The following CNTNAP2 variants were observed in gnomAD, a reference collection of about 807,000 sequenced individuals.
CNTNAP2 encodes the protein contactin associated protein 2, also known as contactin-associated protein-like 2.
In CNTNAP2, 98 loss-of-function variants were observed where a neutral mutation model predicts 155.2. The ratio of observed to expected loss-of-function variants is 0.63; its 90% CI spans 0.54 to 0.75. The LOEUF (loss-of-function observed/expected upper bound fraction) is 0.75. Ranked by LOEUF, CNTNAP2 falls within the 30% of genes least tolerant of loss-of-function variation. The pLI, the probability that CNTNAP2 is intolerant of heterozygous loss-of-function variation, is 0.00. For missense variants in CNTNAP2, 1,727 were observed against 1,688.1 expected (o/e 1.02, Z -0.40); for synonymous variants, 651 against 631.2 (o/e 1.03, Z -0.47).
chr7:146,254,076 C>T (rs1015689350), intron 1 of CNTNAP2, among the ~76,000 whole-genome samples: 7 of 150,014 alleles, frequency 4.7e-5, no homozygotes, highest in Non-Finnish European at 8.9e-5. Context: ...CAAAACAGAA[C>T]AAAACAAAAA....
rs187291387 is a variant in CNTNAP2, at chr7:146,711,476, T to G, written c.98-62795T>G. Among the ~76,000 whole-genome samples, 651 of 148,474 alleles carry G rather than the reference T, an allele frequency of 4.4e-3. 25 individuals carry two copies. Among genetic ancestry groups the G allele is most frequent in the Non-Finnish European group, 9.6e-4 (65 of 67,364 alleles). Reference sequence around the variant, plus strand: ...TATTTATAATATATATGAACATATTTATTCACTGCTTAAATTTCCACTGTT... The same window carrying G: ...TATTTATAATATATATGAACATATTGATTCACTGCTTAAATTTCCACTGTT... On this transcript the variant is annotated intron_variant, in intron 1 of 23. Transcript: ENST00000361727.
intron 23 of CNTNAP2, among the ~76,000 whole-genome samples, chr7:148,409,779 C>T (rs9648854): frequency 0.32 from 21,391 of 66,962 alleles, 4,710 homozygotes; most frequent in African/African-American, 0.39. Flanking sequence ...TAGCTGGGCG[C>T]GGTGGCTCAC....
At chr7:147,320,995 T>C (rs1234635628) in intron 9 of CNTNAP2, among the ~76,000 whole-genome samples, 2 of 152,244 alleles carry the variant, frequency 1.3e-5, no homozygotes, top group African/African-American at 2.4e-5. Flanking sequence ...AAAAATGTTA[T>C]AGTCTTCTAA....
chr7:146,868,033 C>G (rs1795238874), intron 3 of CNTNAP2, among the ~76,000 whole-genome samples: 1 of 152,080 alleles, frequency 6.6e-6, no homozygotes, highest in Admixed American at 6.6e-5. Context: ...AATTAGATCC[C>G]ACTTGTCAAT....
chr7:147,247,159 T>A (rs1396234073), intron 8 of CNTNAP2, among the ~76,000 whole-genome samples: 2 of 152,242 alleles, frequency 1.3e-5, no homozygotes, highest in East Asian at 1.9e-4. Flanking sequence ...GATATTATTA[T>A]AACATTTTTA....
intron 10 of CNTNAP2, among the ~76,000 whole-genome samples, chr7:147,419,555 T>C (rs1871492): frequency 0.19 from 28,188 of 152,190 alleles, 3,149 homozygotes; most frequent in Non-Finnish European, 0.25. Context: ...TTTACAATTA[T>C]GATTGAAGAC....
chr7:147,914,276 C>T (rs1800120159), intron 14 of CNTNAP2, among the ~76,000 whole-genome samples: 1 of 151,982 alleles, frequency 6.6e-6, no homozygotes, highest in African/African-American at 2.4e-5. Context: ...CGTGGTGGCT[C>T]ACGCCTGTGA....
chr7:146,958,977 G>A (rs1797497879), intron 3 of CNTNAP2, among the ~76,000 whole-genome samples: 2 of 151,790 alleles, frequency 1.3e-5, no homozygotes, highest in Admixed American at 6.6e-5. Context: ...GATTTCCATA[G>A]CTCTTTGAAT....
At chr7:146,922,356 T>G (rs966938412) in intron 3 of CNTNAP2, among the ~76,000 whole-genome samples, 2 of 152,106 alleles carry the variant, frequency 1.3e-5, no homozygotes, top group Non-Finnish European at 2.9e-5. Context: ...GTGTCAAATT[T>G]GCATAGTAAT....
intron 20 of CNTNAP2, among the ~76,000 whole-genome samples, chr7:148,250,887 A>G (rs1756934415): frequency 6.6e-6 from 1 of 152,180 alleles, no homozygotes; most frequent in African/African-American, 2.4e-5. Context: ...TCACTCTGTC[A>G]TGCAGACTGG....
At chr7:146,542,531 A>T (rs1441086242) in intron 1 of CNTNAP2, among the ~76,000 whole-genome samples, 1 of 151,866 alleles carries the variant, frequency 6.6e-6, no homozygotes, top group African/African-American at 2.4e-5. Flanking sequence ...TGCTAAGGCC[A>T]TCTTATCAGG....
At chr7:148,301,155 A>G (rs996469714) in intron 21 of CNTNAP2, among the ~76,000 whole-genome samples, 2 of 151,796 alleles carry the variant, frequency 1.3e-5, no homozygotes, top group African/African-American at 4.8e-5. Context: ...TTGGCTGGGC[A>G]TGGTGGCATG....
chr7:147,652,683 C>G (rs1011587418), intron 13 of CNTNAP2, among the ~76,000 whole-genome samples: 1 of 151,088 alleles, frequency 6.6e-6, no homozygotes, highest in Admixed American at 6.6e-5. Context: ...TACCTCTAGA[C>G]TCTATATATT....
At chr7:147,224,767 C>A (rs891076187) in intron 8 of CNTNAP2, among the ~76,000 whole-genome samples, 12 of 152,034 alleles carry the variant, frequency 7.9e-5, no homozygotes, top group Admixed American at 7.9e-4. Context: ...ATCCATGTTT[C>A]CCCCCTCTCT....
At chr7:146,476,037 G>C (rs1390195435) in intron 1 of CNTNAP2, among the ~76,000 whole-genome samples, 1 of 152,148 alleles carries the variant, frequency 6.6e-6, no homozygotes, top group Non-Finnish European at 1.5e-5. Context: ...CTCTACACAG[G>C]TGGTTGTTGA....
At chr7:147,343,674 G>A (rs1008008090) in intron 9 of CNTNAP2, among the ~76,000 whole-genome samples, 1 of 152,122 alleles carries the variant, frequency 6.6e-6, no homozygotes, top group African/African-American at 2.4e-5. Flanking sequence ...ACTCAGTGCG[G>A]CAATGATAAT....
chr7:147,052,852 A>T (rs1799496752), intron 4 of CNTNAP2, among the ~76,000 whole-genome samples: 3 of 152,230 alleles, frequency 2.0e-5, no homozygotes, highest in Middle Eastern at 3.4e-3. Flanking sequence ...GCTGTATGAC[A>T]TATTTGGGAT....
chr7:147,442,776 C>A (rs1797664545), intron 10 of CNTNAP2, among the ~76,000 whole-genome samples: 2 of 151,930 alleles, frequency 1.3e-5, no homozygotes, highest in Admixed American at 1.3e-4. Context: ...GCTCTCTGGC[C>A]CAGGGTATGT....
chr7:148,412,714 AT>A (rs1793068376), intron 23 of CNTNAP2, among the ~76,000 whole-genome samples: 2 of 152,222 alleles, frequency 1.3e-5, no homozygotes, highest in Admixed American at 1.3e-4. Context: ...ACCGGGTAGG[AT>A]TTTCAGTACA....
Sources: allele counts gnomAD v4.1 joint callset (sites outside exome capture counted in the v4.1 genomes callset), GRCh38; gene constraint gnomAD v4.1.1; transcripts MANE v1.5; gene names NCBI Gene and HGNC (gene_info 2026-07-23, HGNC 2026-07-21).